PMFBP1: variants seen among roughly 807,000 people sequenced by gnomAD.
The protein encoded by PMFBP1 is polyamine modulated factor 1 binding protein 1.
Under a neutral mutation model 137.8 loss-of-function variants are expected in PMFBP1, and 131 were observed. The ratio of observed to expected loss-of-function variants is 0.95; its 90% CI spans 0.82 to 1.10. The LOEUF (loss-of-function observed/expected upper bound fraction) is 1.10, where lower values mean the gene tolerates loss of function less well. Among genes scored for constraint, PMFBP1 ranks in the 50% least tolerant of loss-of-function variants. PMFBP1 has a pLI of 0.00. For synonymous variants in PMFBP1, 490 were observed against 450.4 expected, an observed-to-expected ratio of 1.09 and a Z score of -1.11; for missense variants, 1,199 against 1,175.4, an observed-to-expected ratio of 1.02 and a Z score of -0.29.
chr16:72,137,865 G>A (rs561017913), intron 7 of PMFBP1, among the ~76,000 whole-genome samples: 1 of 152,280 alleles, frequency 6.6e-6, no homozygotes, highest in East Asian at 1.9e-4. Context: ...AGGAAGCCAG[G>A]AGGTGACAGC....
At chr16:72,187,150 A>G in the PMFBP1 span, among the ~76,000 whole-genome samples, 1 of 152,102 alleles carries the variant, frequency 6.6e-6, no homozygotes, top group Non-Finnish European at 1.5e-5. Context: ...AATAAAAGCA[A>G]GCAAACAAAG....
upstream of PMFBP1, among the ~76,000 whole-genome samples, chr16:72,180,087 A>G (rs2043271083): frequency 6.6e-6 from 1 of 152,144 alleles, no homozygotes; most frequent in African/African-American, 2.4e-5. Flanking sequence ...CGCACAGTAC[A>G]TGAGCAACCT....
chr16:72,133,368 G>A (rs185439831), intron 9 of PMFBP1, among the ~76,000 whole-genome samples: 8 of 152,034 alleles, frequency 5.3e-5, no homozygotes, highest in Admixed American at 2.0e-4. Context: ...TATTAGAGAC[G>A]GGGTTTCACC....
the PMFBP1 span, among the ~76,000 whole-genome samples, chr16:72,189,256 G>A: frequency 6.6e-6 from 1 of 152,182 alleles, no homozygotes; most frequent in Non-Finnish European, 1.5e-5. Flanking sequence ...GCTCATCAAT[G>A]CAGAACCAGG....
chr16:72,139,372 T>C lies in PMFBP1; in HGVS notation c.835A>G (p.Lys279Glu). 1 of 1,614,128 alleles carries C rather than the reference T, an allele frequency of 6.2e-7. No homozygotes were observed. The highest frequency in any genetic ancestry group is 8.5e-7 in the Non-Finnish European group (1 of 1,180,006). ...CAGGAAGCAAAATCGGCTTGTAGTT[T>C]TATCAAAGCCTTTTCACGCTCCAGA... is the stretch of plus-strand genomic sequence containing the variant. ...LVLEREKALI[K>E]LQADFASCTA... Residue 279 changes from lysine to glutamate, a missense_variant, in exon 7 of 21, where the codon AAA (lysine) becomes GAA (glutamate). Physicochemically the swap from Lys to Glu is moderately conservative, Grantham distance 56. Coordinates refer to ENST00000237353, the MANE Select transcript of PMFBP1 (RefSeq NM_031293.3).
In PMFBP1 at chr16:72,150,735, T is replaced by A. The variant is rs2042889581; in HGVS notation, c.509A>T (p.Lys170Met). Reference sequence around the variant, plus strand: ...TAAGCTCCTCTCTAGAGAGGCGATCTTGTCCCCGGCCAAGGCGAGTTGCTC... The same window carrying A: ...TAAGCTCCTCTCTAGAGAGGCGATCATGTCCCCGGCCAAGGCGAGTTGCTC... ...AQEQLALAGD[K>M]IASLERSLNL... Residue 170 changes from lysine (K) to methionine (M), a missense_variant, in exon 5 of 21, where the codon AAG becomes ATG. By Grantham distance (95) the Lys-to-Met change is moderately conservative. Transcript: ENST00000237353. 1 of 1,614,094 alleles carries A rather than the reference T, an allele frequency of 6.2e-7. No individual in the cohort carries two copies.
the PMFBP1 span, among the ~76,000 whole-genome samples, chr16:72,182,470 T>C: frequency 2.4e-5 from 3 of 127,172 alleles, no homozygotes; most frequent in Admixed American, 3.0e-4. Context: ...CACTCCAGCC[T>C]GAGCAACAGA....
the PMFBP1 span, among the ~76,000 whole-genome samples, chr16:72,217,512 A>C: frequency 1.3e-5 from 2 of 152,212 alleles, no homozygotes; most frequent in Admixed American, 6.5e-5. Flanking sequence ...GGCTACAGAC[A>C]CAACATGCTT....
the PMFBP1 span, among the ~76,000 whole-genome samples, chr16:72,197,564 T>C: frequency 6.6e-6 from 1 of 152,164 alleles, no homozygotes; most frequent in Non-Finnish European, 1.5e-5. Flanking sequence ...GACAAGGTTA[T>C]GGCTTCCTCG....
the PMFBP1 span, among the ~76,000 whole-genome samples, chr16:72,215,369 A>AGAG: frequency 1.3e-5 from 2 of 149,738 alleles, no homozygotes; most frequent in East Asian, 1.9e-4. Context: ...AGAGAGAGAG[A>AGAG]AAAAAAAAAC....
intron 2 of PMFBP1, among the ~76,000 whole-genome samples, chr16:72,169,635 T>C (rs924584438): frequency 6.6e-6 from 1 of 151,682 alleles, no homozygotes; most frequent in South Asian, 2.1e-4. Context: ...AAAAAAGATT[T>C]AAAAAATAAA....
the PMFBP1 span, among the ~76,000 whole-genome samples, chr16:72,184,874 C>CTCA: frequency 6.6e-6 from 1 of 152,228 alleles, no homozygotes; most frequent in Non-Finnish European, 1.5e-5. Context: ...TCCTCTTCTC[C>CTCA]TCAACCCCAA....
the PMFBP1 span, among the ~76,000 whole-genome samples, chr16:72,186,735 T>C: frequency 6.6e-6 from 1 of 152,224 alleles, no homozygotes; most frequent in African/African-American, 2.4e-5. Flanking sequence ...GTGTGAAATC[T>C]ATTTCTTTAA....
intron 3 of PMFBP1, among the ~76,000 whole-genome samples, chr16:72,154,725 A>T (rs959033396): frequency 6.6e-6 from 1 of 152,220 alleles, no homozygotes; most frequent in African/African-American, 2.4e-5. Flanking sequence ...AGAAGAAAAA[A>T]TATACACATA....
intron 19 of PMFBP1, 44 bp downstream of exon 19, chr16:72,122,870 T>C (rs1251910958): frequency 6.4e-7 from 1 of 1,569,448 alleles, no homozygotes. Context: ...TGACCCTTCT[T>C]GTCAGCTCCC....
In PMFBP1 at chr16:72,132,817, C is replaced by T. The variant is rs1182116542; in HGVS notation, c.1378G>A (p.Ala460Thr). 7 of 1,614,044 alleles carry T rather than the reference C, an allele frequency of 4.3e-6. No homozygotes were observed. Among genetic ancestry groups the T allele is most frequent in the Admixed American group, 3.3e-5 (2 of 60,000 alleles). Reference protein sequence around the residue: ...QDKSKEAECKALQAEVQKLKN... With the variant: ...QDKSKEAECKTLQAEVQKLKN... ...AGCTTCTGGACCTCAGCCTGCAGGG[C>T]CTTGCACTCCGCCTCCTTGGACTTG... The change falls in exon 10 of 21, where the codon GCC (alanine) becomes ACC (threonine). Residue 460 changes from alanine (A) to threonine (T), a missense_variant. Transcript: ENST00000237353.
chr16:72,118,141 T>A (rs1408068329), downstream of PMFBP1, among the ~76,000 whole-genome samples: 2 of 152,238 alleles, frequency 1.3e-5, no homozygotes, highest in Non-Finnish European at 1.5e-5. Flanking sequence ...CCCTTTTTAG[T>A]AGACTAGGCT....
the PMFBP1 span, among the ~76,000 whole-genome samples, chr16:72,218,777 G>A: frequency 6.6e-6 from 1 of 152,132 alleles, no homozygotes; most frequent in Non-Finnish European, 1.5e-5. Context: ...TCTACCATGT[G>A]CAAAATATAT....
rs1356993945 is a variant in PMFBP1, at chr16:72,125,358, T to C, written c.2301A>G (p.Thr767=). 1.2e-6 allele frequency: 2 copies of C among 1,613,910 alleles called. No homozygotes were observed. The highest frequency in any genetic ancestry group is 3.3e-5 in the Admixed American group (2 of 59,932). The change falls in exon 16 of 21, where the codon ACA becomes ACG. Residue 767 remains threonine, a synonymous_variant. Transcript: ENST00000237353. ...SETKSLQQSL[T]QTQEKKAQLE... is the part of the protein sequence containing the mutation. Reference sequence around the variant, plus strand: ...GCTGAGCTTTCTTCTCTTGGGTCTGTGTCAAGCTTTGCTGCAGGCTCTTTG... The same window carrying C: ...GCTGAGCTTTCTTCTCTTGGGTCTGCGTCAAGCTTTGCTGCAGGCTCTTTG...
Sources: gnomAD v4.1 joint callset for allele counts (sites outside exome capture counted in the v4.1 genomes callset) on GRCh38, gnomAD v4.1.1 for gene constraint, MANE v1.5 for transcripts, NCBI Gene and HGNC (gene_info 2026-07-23, HGNC 2026-07-21) for gene names.